FLI1: variants seen among roughly 807,000 people sequenced by gnomAD.
FLI1 encodes Fli-1 proto-oncogene, ETS transcription factor.
In FLI1, 13 loss-of-function variants were observed where a neutral mutation model predicts 53.1. That is an observed-to-expected ratio of 0.24 (90% CI 0.16 to 0.39). The LOEUF (loss-of-function observed/expected upper bound fraction) is 0.39. Ranked by LOEUF, FLI1 falls within the 10% of genes least tolerant of loss-of-function variation. The pLI is 1.00. For synonymous variants in FLI1, 244 were observed against 236.7 expected (o/e 1.03, Z -0.28); for missense variants, 424 against 600.5 (o/e 0.71, Z 3.07).
chr11:128,808,588 A>G (rs1942851889), intron 7 of FLI1, among the ~76,000 whole-genome samples: 1 of 152,230 alleles, frequency 6.6e-6, no homozygotes, highest in Non-Finnish European at 1.5e-5. Context: ...AAACTGAGGA[A>G]TCCAGTAGCC....
Position 128,694,206 on chromosome 11 carries a change from G to A in FLI1, c.-53G>A. 3.9e-6 allele frequency: 6 copies of A among 1,523,476 alleles called. No homozygotes were observed. The highest frequency in any genetic ancestry group is 4.4e-6 in the Non-Finnish European group (5 of 1,136,460). The allele number at this position is 1,523,476 out of a possible 1,614,324, so 94.4% of individuals were successfully genotyped here. A position where few individuals can be genotyped will look rare whatever the true frequency, so the allele number is the denominator to read the frequency against. On this transcript the variant is annotated 5_prime_UTR_variant, in exon 1 of 9. Coordinates refer to ENST00000527786, the MANE Select transcript of FLI1 (RefSeq NM_002017.5). ...TCCGAAGGGGCTGCGAGGTCAGGCTGTAACCGGGTCAATGTGTGGAATATT... is the reference window on the plus strand; with the variant it reads ...TCCGAAGGGGCTGCGAGGTCAGGCTATAACCGGGTCAATGTGTGGAATATT...
At chr11:128,738,051 C>T (rs931654369) in intron 1 of FLI1, among the ~76,000 whole-genome samples, 11 of 152,174 alleles carry the variant, frequency 7.2e-5, no homozygotes, top group Admixed American at 3.9e-4. Context: ...CAAGTCATGG[C>T]AAGGTTTTAC....
intron 1 of FLI1, among the ~76,000 whole-genome samples, chr11:128,703,056 G>T (rs1042114554): frequency 6.6e-6 from 1 of 152,076 alleles, no homozygotes; most frequent in African/African-American, 2.4e-5. Context: ...ACACTAGAAA[G>T]AAAATACAAA....
rs1434403758 is a variant in FLI1, at chr11:128,751,815, T to C, written c.19-6300T>C. ...AGTGCTGGGATTACAGGCGTGGGTTTTTTTTTTTGGGTTTGTTTTTTTTTT... is the reference window on the plus strand; with the variant it reads ...AGTGCTGGGATTACAGGCGTGGGTTCTTTTTTTTGGGTTTGTTTTTTTTTT... On this transcript the variant is annotated intron_variant, in intron 1 of 8. Transcript: ENST00000527786. Among the ~76,000 whole-genome samples, 3 of 150,618 alleles carry C rather than the reference T, an allele frequency of 2.0e-5. No homozygotes were observed. The East Asian group carries it at 5.9e-4, about 29-fold the overall frequency.
intron 1 of FLI1, among the ~76,000 whole-genome samples, chr11:128,701,694 G>T (rs1173430709): frequency 6.6e-6 from 1 of 152,190 alleles, no homozygotes; most frequent in Non-Finnish European, 1.5e-5. Context: ...ACCTCAAAGG[G>T]AAGGCAGACT....
intron 1 of FLI1, among the ~76,000 whole-genome samples, chr11:128,721,958 C>A (rs1939273562): frequency 6.6e-6 from 1 of 152,180 alleles, no homozygotes; most frequent in Admixed American, 6.5e-5. Context: ...GAGTCAGAGG[C>A]TCCCTGGTCA....
chr11:128,797,887 G>T (rs1942488986), intron 5 of FLI1, among the ~76,000 whole-genome samples: 1 of 152,016 alleles, frequency 6.6e-6, no homozygotes, highest in South Asian at 2.1e-4. Context: ...AGCAGGACAC[G>T]GGCAGTAGAC....
chr11:128,714,340 C>T (rs1938918040), intron 1 of FLI1, among the ~76,000 whole-genome samples: 1 of 152,266 alleles, frequency 6.6e-6, no homozygotes, highest in South Asian at 2.1e-4. Flanking sequence ...GTTTCCTCAA[C>T]TGCAGAACAG....
chr11:128,804,512 A>T (rs978754994), intron 5 of FLI1: 1 of 152,210 alleles, frequency 6.6e-6, no homozygotes, highest in Non-Finnish European at 1.5e-5. Flanking sequence ...AGGGGTTACG[A>T]TCACAAAAGT....
chr11:128,720,863 G>A (rs1410159313), intron 1 of FLI1, among the ~76,000 whole-genome samples: 1 of 152,136 alleles, frequency 6.6e-6, no homozygotes, highest in South Asian at 2.1e-4. Flanking sequence ...GGCCCTCTGC[G>A]CCTTCTCTGT....
intron 1 of FLI1, among the ~76,000 whole-genome samples, chr11:128,743,361 T>C (rs2135779816): frequency 6.8e-6 from 1 of 147,324 alleles, no homozygotes; most frequent in South Asian, 2.1e-4. Flanking sequence ...GCCGTGATCA[T>C]GCCACTGCAC....
Position 128,812,024 on chromosome 11 carries a change from A to G in FLI1, c.*1036A>G, listed in dbSNP as rs1192540552. ...ACATTTGGGCTGTCTGTATGTTTTT[A>G]TAGCTGGTTTTTAAAAAGCATAATA... is the stretch of plus-strand genomic sequence containing the variant. On this transcript the variant is annotated 3_prime_UTR_variant, in exon 9 of 9. Coordinates refer to ENST00000527786, the MANE Select transcript of FLI1 (RefSeq NM_002017.5). 1 of 205,726 alleles carries G rather than the reference A, an allele frequency of 4.9e-6. No individual in the cohort carries two copies. Among genetic ancestry groups the G allele is most frequent in the Non-Finnish European group, 9.9e-6 (1 of 100,600 alleles). 12.7% of individuals were successfully genotyped at this position (205,726 alleles called of 1,614,324 possible).
chr11:128,743,657 T>G (rs906227835), intron 1 of FLI1, among the ~76,000 whole-genome samples: 2 of 152,212 alleles, frequency 1.3e-5, no homozygotes, highest in African/African-American at 4.8e-5. Context: ...TTGGGCAAGG[T>G]TGGCACCTCC....
chr11:128,719,131 C>T (rs1555110524), intron 1 of FLI1, among the ~76,000 whole-genome samples: 1 of 152,104 alleles, frequency 6.6e-6, no homozygotes, highest in Non-Finnish European at 1.5e-5. Flanking sequence ...CAGTGGCCTG[C>T]CTGGATTGCA....
chr11:128,724,321 T>G (rs1939380334), intron 1 of FLI1, among the ~76,000 whole-genome samples: 1 of 151,958 alleles, frequency 6.6e-6, no homozygotes, highest in Non-Finnish European at 1.5e-5. Flanking sequence ...GGAAAGGGTG[T>G]GAACATGGGA....
chr11:128,717,183 A>G (rs1402619792), intron 1 of FLI1, among the ~76,000 whole-genome samples: 1 of 151,956 alleles, frequency 6.6e-6, no homozygotes, highest in African/African-American at 2.4e-5. Flanking sequence ...AGCGATGGGG[A>G]GATTACCCTC....
chr11:128,701,899 C>T lies in FLI1; in HGVS notation c.18+7623C>T, dbSNP rs73571665. Reference sequence around the variant, plus strand: ...ACATGTCTACTGGAATCTAACACTCCAGTAGCAGAATTGTTAGGTCTGAAT... The same window carrying T: ...ACATGTCTACTGGAATCTAACACTCTAGTAGCAGAATTGTTAGGTCTGAAT... On this transcript the variant is annotated intron_variant, in intron 1 of 8. Transcript: ENST00000527786. Among the ~76,000 whole-genome samples the T allele has an allele frequency of 7.2e-4, 109 of 152,286 alleles. 1 individual carries two copies. The highest frequency in any genetic ancestry group is 2.5e-3 in the African/African-American group (105 of 41,562).
intron 1 of FLI1, among the ~76,000 whole-genome samples, chr11:128,715,230 A>G (rs1206357081): frequency 6.6e-6 from 1 of 152,226 alleles, no homozygotes; most frequent in Non-Finnish European, 1.5e-5. Context: ...AAGTGATTAA[A>G]CATATACAAT....
chr11:128,686,309 A>C (rs1274313689), upstream of FLI1: 8 of 455,786 alleles, frequency 1.8e-5, no homozygotes, highest in Non-Finnish European at 3.5e-5. Context: ...GGGCATCCCC[A>C]GTTCGAAACT....
Sources: allele counts gnomAD v4.1 joint callset (sites outside exome capture counted in the v4.1 genomes callset), GRCh38; gene constraint gnomAD v4.1.1; transcripts MANE v1.5; gene names NCBI Gene and HGNC (gene_info 2026-07-23, HGNC 2026-07-21).